Variants in SLC25A26 observed in about 807,000 individuals in gnomAD.
SLC25A26 encodes solute carrier family 25 member 26, also known as mitochondrial S-adenosylmethionine carrier protein.
SLC25A26 carries 36 observed loss-of-function variants against 37.8 expected under a neutral mutation model. The observed-to-expected ratio is 0.95, with a 90% confidence interval of 0.73 to 1.26. The LOEUF (loss-of-function observed/expected upper bound fraction) is 1.26. Ranked by LOEUF, SLC25A26 falls within the 50% of genes most tolerant of loss-of-function variation. The pLI is 0.00. For missense variants in SLC25A26, 390 were observed against 331.1 expected, an observed-to-expected ratio of 1.18 and a Z score of -1.38; for synonymous variants, 129 against 122.5, an observed-to-expected ratio of 1.05 and a Z score of -0.35.
chr3:66,284,692 C>G (rs1209789619), intron 5 of SLC25A26, among the ~76,000 whole-genome samples: 1 of 152,192 alleles, frequency 6.6e-6, no homozygotes, highest in Non-Finnish European at 1.5e-5. Flanking sequence ...AATTTCATAA[C>G]AAGAGATGCA....
At chr3:66,216,964 G>A (rs1166168973), upstream of SLC25A26, among the ~76,000 whole-genome samples, 1 of 152,184 alleles carries the variant, frequency 6.6e-6, no homozygotes, top group Non-Finnish European at 1.5e-5. Context: ...CCTAGGTCAT[G>A]TTTGTAATAT....
At chr3:66,355,126 T>C (rs2076546670) in intron 6 of SLC25A26, among the ~76,000 whole-genome samples, 1 of 152,154 alleles carries the variant, frequency 6.6e-6, no homozygotes, top group Non-Finnish European at 1.5e-5. Flanking sequence ...AAAATATCAC[T>C]GTATAAACTC....
chr3:66,285,549 TC>T (rs1358696353), intron 5 of SLC25A26, among the ~76,000 whole-genome samples: 1 of 150,348 alleles, frequency 6.7e-6, no homozygotes. Flanking sequence ...AACCTCTGCC[TC>T]CCGGGTTCAA....
At chr3:66,181,156 A>G (rs1336026077) in intron 1 of SLC25A26, among the ~76,000 whole-genome samples, 1 of 152,194 alleles carries the variant, frequency 6.6e-6, no homozygotes, top group Non-Finnish European at 1.5e-5. Context: ...GTTCTAGGCA[A>G]CTAATACAAT....
chr3:66,355,914 T>G, intron 6 of SLC25A26: 1 of 432,208 alleles, frequency 2.3e-6, no homozygotes, highest in East Asian at 7.0e-5. Context: ...ATCCTTTCCA[T>G]TATCTTAAAT....
intron 1 of SLC25A26, among the ~76,000 whole-genome samples, chr3:66,208,853 C>G (rs1197385993): frequency 1.7e-5 from 1 of 60,458 alleles, no homozygotes; most frequent in African/African-American, 5.2e-5. Flanking sequence ...TATATATATA[C>G]CTTTATATGG....
chr3:66,137,756 G>A (rs1008315864), intron 1 of SLC25A26, among the ~76,000 whole-genome samples: 7 of 152,130 alleles, frequency 4.6e-5, no homozygotes, highest in African/African-American at 1.7e-4. Flanking sequence ...ACAGTTCCTA[G>A]CACCTAGGAC....
intron 5 of SLC25A26, among the ~76,000 whole-genome samples, chr3:66,313,539 G>T (rs1032908043): frequency 1.3e-5 from 2 of 152,132 alleles, no homozygotes; most frequent in Admixed American, 1.3e-4. Context: ...GGTATATTTT[G>T]AAGTCCAGTA....
At chr3:66,267,468 T>G (rs893650416) in intron 5 of SLC25A26, among the ~76,000 whole-genome samples, 1 of 151,802 alleles carries the variant, frequency 6.6e-6, no homozygotes, top group Non-Finnish European at 1.5e-5. Flanking sequence ...GGGACTGGAG[T>G]GGAGAATTTG....
At chr3:66,237,160 C>A (rs549671552) in intron 2 of SLC25A26, among the ~76,000 whole-genome samples, 1 of 152,102 alleles carries the variant, frequency 6.6e-6, no homozygotes, top group Admixed American at 6.6e-5. Flanking sequence ...ATTTTTGAAT[C>A]AGATAGTGTT....
Position 66,236,572 on chromosome 3 carries a change from A to G in SLC25A26, c.62A>G (p.Asp21Gly). ...GGTGGGGTAGCAGGTGTTTCTGTTG[A>G]CTTGATATTATTTCCTCTGGATACC... Reference protein sequence around the residue: ...VAGGVAGVSVDLILFPLDTIK... With the variant: ...VAGGVAGVSVGLILFPLDTIK... The change falls in exon 2 of 10, where the codon GAC (aspartate) becomes GGC (glycine). Residue 21 changes from aspartate to glycine, a missense_variant. Coordinates refer to ENST00000354883, the MANE Select transcript of SLC25A26 (RefSeq NM_001379210.1). 6.9e-7 allele frequency: 1 copy of G among 1,449,810 alleles called. No homozygotes were observed. The allele number at this position is 1,449,810 out of a possible 1,614,324, so 89.8% of individuals were successfully genotyped here. A position where few individuals can be genotyped will look rare whatever the true frequency, so the allele number is the denominator to read the frequency against.
At chr3:66,325,585 T>C (rs1279386751) in intron 5 of SLC25A26, among the ~76,000 whole-genome samples, 1 of 152,164 alleles carries the variant, frequency 6.6e-6, no homozygotes, top group Non-Finnish European at 1.5e-5. Context: ...GAGGGTATGC[T>C]GTTGGGTCTG....
intron 2 of SLC25A26, among the ~76,000 whole-genome samples, chr3:66,240,808 C>T (rs374875841): frequency 4.1e-4 from 59 of 142,608 alleles, no homozygotes; most frequent in Non-Finnish European, 6.9e-4. Context: ...TGCAGTGGTG[C>T]GATCTTGGCT....
chr3:66,230,953 T>C (rs564011882), intron 1 of SLC25A26, among the ~76,000 whole-genome samples: 1 of 152,202 alleles, frequency 6.6e-6, no homozygotes, highest in East Asian at 1.9e-4. Flanking sequence ...GGCTGGTGGA[T>C]CACCTGAGGT....
intron 1 of SLC25A26, among the ~76,000 whole-genome samples, chr3:66,146,311 G>T (rs895340145): frequency 6.6e-6 from 1 of 151,068 alleles, no homozygotes; most frequent in East Asian, 1.9e-4. Context: ...CTGCACTCCA[G>T]CCTGGGTGAC....
intron 3 of SLC25A26, among the ~76,000 whole-genome samples, chr3:66,246,982 C>T (rs1180058326): frequency 6.6e-6 from 1 of 152,170 alleles, no homozygotes; most frequent in Non-Finnish European, 1.5e-5. Flanking sequence ...TTGCCTCAGC[C>T]TCCCGAGTCG....
chr3:66,364,547 G>T (rs1356912327), intron 7 of SLC25A26, among the ~76,000 whole-genome samples: 1 of 152,126 alleles, frequency 6.6e-6, no homozygotes, highest in Non-Finnish European at 1.5e-5. Flanking sequence ...GAGACTTTGG[G>T]ACCCTCCTGA....
At chr3:66,137,759 C>G (rs1031599755) in intron 1 of SLC25A26, among the ~76,000 whole-genome samples, 1 of 152,178 alleles carries the variant, frequency 6.6e-6, no homozygotes, top group Admixed American at 6.5e-5. Context: ...GTTCCTAGCA[C>G]CTAGGACTCC....
At chr3:66,216,753 G>A (rs944134204), upstream of SLC25A26, among the ~76,000 whole-genome samples, 761 of 124,070 alleles carry the variant, frequency 6.1e-3, 11 homozygotes, top group African/African-American at 0.02. Flanking sequence ...AGATTTAAGT[G>A]AGAAAGACAG....
Sources: allele counts gnomAD v4.1 joint callset (sites outside exome capture counted in the v4.1 genomes callset), GRCh38; gene constraint gnomAD v4.1.1; transcripts MANE v1.5; gene names NCBI Gene and HGNC (gene_info 2026-07-23, HGNC 2026-07-21).